The following DAGLB variants were observed in gnomAD, a reference collection of about 807,000 sequenced individuals.
DAGLB encodes the protein diacylglycerol lipase beta.
In DAGLB, 66 loss-of-function variants were observed where a neutral mutation model predicts 72.1. That is an observed-to-expected ratio of 0.92 (90% CI 0.75 to 1.12). The LOEUF is 1.12. Among genes scored for constraint, DAGLB ranks in the 50% most tolerant of loss-of-function variants. The pLI is 0.00. For synonymous variants in DAGLB, 414 were observed against 359.5 expected (o/e 1.15, Z -1.71); for missense variants, 1,065 against 884.9 (o/e 1.20, Z -2.58).
intron 3 of DAGLB, among the ~76,000 whole-genome samples, chr7:6,435,951 A>G (rs1784642255): frequency 6.6e-6 from 1 of 152,144 alleles, no homozygotes; most frequent in African/African-American, 2.4e-5. Context: ...GTTCTAGAAT[A>G]TTATTCCCTG....
Position 6,435,029 on chromosome 7 carries a change from C to G in DAGLB, c.420-9G>C, listed in dbSNP as rs1554268090. ...CAGCGATGATGATCCAACTGCAAGA[C>G]AGAGAGAGGAAAAGGCTCGGTGACT... On this transcript the variant is annotated splice_polypyrimidine_tract_variant and intron_variant, in intron 3 of 14. Coordinates refer to ENST00000297056, the MANE Select transcript of DAGLB (RefSeq NM_139179.4). 5 of 1,612,146 alleles carry G rather than the reference C, an allele frequency of 3.1e-6. No individual in the cohort carries two copies. The highest frequency in any genetic ancestry group is 2.2e-5 in the East Asian group (1 of 44,860).
At position 6,418,594 on chromosome 7, in the gene DAGLB, C is replaced by T. The variant is rs565879383; in HGVS notation, c.1219-1673G>A. 3.3e-5 allele frequency among the ~76,000 whole-genome samples: 5 copies of T among 152,082 alleles called. No homozygotes were observed. The East Asian group carries it at 7.7e-4, about 24-fold the overall frequency. ...CCGTGCAGCTTCGATTCTAATAGGA[C>T]GGGGTGGAGGAAATCCCACAGAAGA... On this transcript the variant is annotated intron_variant, in intron 9 of 14. Transcript: ENST00000297056.
intron 8 of DAGLB, among the ~76,000 whole-genome samples, chr7:6,422,967 G>T (rs1026351182): frequency 6.6e-6 from 1 of 152,226 alleles, no homozygotes; most frequent in Non-Finnish European, 1.5e-5. Flanking sequence ...GGTAAGATCC[G>T]ATCCGTGTTC....
chr7:6,438,132 T>C (rs1303377128), intron 2 of DAGLB, among the ~76,000 whole-genome samples: 1 of 151,678 alleles, frequency 6.6e-6, no homozygotes, highest in East Asian at 1.9e-4. Flanking sequence ...ATGTTTTCAC[T>C]CATAGGTGGG....
intron 2 of DAGLB, among the ~76,000 whole-genome samples, chr7:6,444,458 C>T (rs954736021): frequency 6.6e-6 from 1 of 152,016 alleles, no homozygotes; most frequent in African/African-American, 2.4e-5. Flanking sequence ...AAAAATTAGC[C>T]AGGCGTGGTA....
At chr7:6,427,040 A>G (rs836527) in intron 6 of DAGLB, among the ~76,000 whole-genome samples, 92,941 of 152,116 alleles carry the variant, frequency 0.61, 31,620 homozygotes, top group East Asian at 0.91. Context: ...ACTGGGAGGC[A>G]GAGGTTGCAG....
chr7:6,419,446 TGGCGAGCCTCCCC>T (rs1241017537), intron 9 of DAGLB, among the ~76,000 whole-genome samples: 7 of 152,218 alleles, frequency 4.6e-5, no homozygotes, highest in Non-Finnish European at 1.5e-5. Context: ...AAGCTGCTGC[TGGCGAGCCTCCCC>T]GGCGCACATC....
At chr7:6,430,661 G>A in intron 5 of DAGLB, 54 bp from the exon 6 acceptor site, 1 of 1,460,368 alleles carries the variant, frequency 6.8e-7, no homozygotes, top group East Asian at 2.4e-5. Context: ...TGACACAGAG[G>A]ATCAACACAC....
intron 7 of DAGLB, among the ~76,000 whole-genome samples, chr7:6,425,784 T>C (rs1245781623): frequency 2.0e-5 from 3 of 152,226 alleles, no homozygotes; most frequent in Admixed American, 1.3e-4. Flanking sequence ...CTCTATCTTA[T>C]GTGAAACCTG....
At chr7:6,438,564 C>T (rs925185817) in intron 2 of DAGLB, among the ~76,000 whole-genome samples, 1 of 151,726 alleles carries the variant, frequency 6.6e-6, no homozygotes, top group African/African-American at 2.4e-5. Context: ...AAACAGGAAA[C>T]AGTATCTGCA....
rs57374634 is a variant in DAGLB at position 6,430,250 on chromosome 7, CATATATAT to C, written c.929+222_929+229del. Among the ~76,000 whole-genome samples the C allele has an allele frequency of 1.6e-3, 71 of 45,748 alleles. 2 individuals are homozygous for C. The Middle Eastern group carries it at 0.027, about 18-fold the overall frequency. 30.0% of individuals were successfully genotyped at this position (45,748 alleles called of 152,430 possible). The stretch of plus-strand genomic sequence containing the variant: ...GGTTCGGGGAAAAAAAATACATGTG[CATATATAT>C]ATATATATATATATATATATATATG... On this transcript the variant is annotated intron_variant, in intron 6 of 14. Coordinates refer to ENST00000297056, the MANE Select transcript of DAGLB (RefSeq NM_139179.4).
chr7:6,438,838 T>C (rs1480173353), intron 2 of DAGLB, among the ~76,000 whole-genome samples: 1 of 151,798 alleles, frequency 6.6e-6, no homozygotes, highest in South Asian at 2.1e-4. Flanking sequence ...AGAGACCTCA[T>C]CTCTGATTAT....
intron 6 of DAGLB, among the ~76,000 whole-genome samples, chr7:6,427,946 ATAATT>A (rs1410152299): frequency 4.6e-5 from 7 of 152,338 alleles, no homozygotes; most frequent in Admixed American, 2.6e-4. Context: ...AACCCACTGA[ATAATT>A]TAAGAATCTA....
chr7:6,436,725 A>T (rs1420154472), intron 2 of DAGLB, among the ~76,000 whole-genome samples, 192 bp from the exon 3 acceptor site: 2 of 152,190 alleles, frequency 1.3e-5, no homozygotes, highest in African/African-American at 2.4e-5. Context: ...GGGAAACGTG[A>T]CAAGAAGTCC....
chr7:6,443,018 A>G (rs1784879613), intron 2 of DAGLB, among the ~76,000 whole-genome samples: 1 of 29,774 alleles, frequency 3.4e-5, no homozygotes, highest in African/African-American at 1.1e-4. Flanking sequence ...CTAAAAATAC[A>G]AAAAAAAAAA....
chr7:6,425,273 A>G (rs1021358735), intron 7 of DAGLB, among the ~76,000 whole-genome samples: 2 of 151,318 alleles, frequency 1.3e-5, no homozygotes, highest in African/African-American at 4.9e-5. Flanking sequence ...AGCCATGCAC[A>G]GCTGGCTTTT....
At chr7:6,429,204 T>TC (rs923182072) in intron 6 of DAGLB, among the ~76,000 whole-genome samples, 1 of 151,856 alleles carries the variant, frequency 6.6e-6, no homozygotes, top group African/African-American at 2.4e-5. Flanking sequence ...GCATCATGTA[T>TC]CCCCTGATAT....
chr7:6,412,600 T>G, intron 13 of DAGLB: 3 of 610,758 alleles, frequency 4.9e-6, no homozygotes, highest in Non-Finnish European at 5.8e-6. Context: ...TCCTGTTTCC[T>G]CCCTGTGACA....
intron 6 of DAGLB, among the ~76,000 whole-genome samples, chr7:6,428,698 G>C (rs1480098666): frequency 6.6e-6 from 1 of 152,140 alleles, no homozygotes; most frequent in Non-Finnish European, 1.5e-5. Context: ...TGTTGGTCAG[G>C]ATGGTCTTGA....
Sources: gnomAD v4.1 joint callset for allele counts (sites outside exome capture counted in the v4.1 genomes callset) on GRCh38, gnomAD v4.1.1 for gene constraint, MANE v1.5 for transcripts, NCBI Gene and HGNC (gene_info 2026-07-23, HGNC 2026-07-21) for gene names.